The following ACSM3 variants were observed in gnomAD, a reference collection of about 807,000 sequenced individuals.
The protein encoded by ACSM3 is acyl-CoA synthetase medium chain family member 3, also known as acyl-coenzyme A synthetase ACSM3, mitochondrial.
In ACSM3, 61 loss-of-function variants were observed where a neutral mutation model predicts 74.1. The ratio of observed to expected loss-of-function variants is 0.82; its 90% CI spans 0.67 to 1.02. The LOEUF (loss-of-function observed/expected upper bound fraction) is 1.02, where lower values mean the gene tolerates loss of function less well. Ranked by LOEUF, ACSM3 falls within the 50% of genes least tolerant of loss-of-function variation. The pLI is 0.00. For synonymous variants in ACSM3, 213 were observed against 241.5 expected (o/e 0.88, Z 1.09); for missense variants, 660 against 697.0 (o/e 0.95, Z 0.60).
intron 1 of ACSM3, chr16:20,711,456 T>C (rs1472247304): frequency 1.7e-6 from 2 of 1,160,996 alleles, no homozygotes; most frequent in Non-Finnish European, 2.4e-6. Context: ...GGCGGTTCTG[T>C]TTAGTGTCCT....
intron 1 of ACSM3, chr16:20,685,493 T>C (rs773287621): frequency 5.2e-5 from 62 of 1,202,480 alleles, no homozygotes; most frequent in Admixed American, 4.3e-4. Context: ...CACGTTCCAA[T>C]GTGAACACAG....
Position 20,772,054 on chromosome 16 carries a change from AT to A in ACSM3, c.219+1803del, listed in dbSNP as rs566873975. Among the ~76,000 whole-genome samples the A allele has an allele frequency of 2.3e-3, 354 of 152,000 alleles. 1 individual carries two copies. Among genetic ancestry groups the A allele is most frequent in the Non-Finnish European group, 3.0e-3 (201 of 67,954 alleles). On this transcript the variant is annotated intron_variant, in intron 2 of 13. Transcript: ENST00000289416. ...TGTCTTTTGAGAAATGTCTATTCAG[AT>A]TCTATGTCCATTTTTTAATTGAATT...
intron 1 of ACSM3, chr16:20,749,221 A>G (rs965369327): frequency 6.6e-6 from 1 of 152,172 alleles, no homozygotes; most frequent in Non-Finnish European, 1.5e-5. Context: ...TATGAAAATG[A>G]TGGTTAATAA....
chr16:20,756,762 G>T (rs1360999852), intron 3 of ACSM3, among the ~76,000 whole-genome samples: 1 of 152,114 alleles, frequency 6.6e-6, no homozygotes, highest in Non-Finnish European at 1.5e-5. Flanking sequence ...GTTTTTATGG[G>T]TTTAGGTCTA....
intron 1 of ACSM3, among the ~76,000 whole-genome samples, chr16:20,683,523 T>C (rs1405908997): frequency 2.0e-5 from 3 of 152,106 alleles, no homozygotes; most frequent in African/African-American, 7.2e-5. Flanking sequence ...TTTCTTTCCA[T>C]CTTTCTCCCC....
chr16:20,679,176 G>A (rs1001761868), intron 1 of ACSM3: 3 of 152,136 alleles, frequency 2.0e-5, no homozygotes, highest in South Asian at 4.1e-4. Flanking sequence ...GTCACACCTT[G>A]GATTCACCAT....
intron 1 of ACSM3, chr16:20,737,652 T>C: frequency 2.0e-6 from 3 of 1,528,472 alleles, no homozygotes; most frequent in Middle Eastern, 1.8e-4. Context: ...AAAAAATCCT[T>C]AAAAAACAAG....
chr16:20,674,753 C>T (rs1026476487), exon 1 of ACSM3: 3 of 152,340 alleles, frequency 2.0e-5, no homozygotes, highest in Non-Finnish European at 4.4e-5. Context: ...GCTCTCCCCG[C>T]ATCCTGCCCA....
At chr16:20,758,999 T>A (rs1032057278) in intron 3 of ACSM3, among the ~76,000 whole-genome samples, 4 of 152,158 alleles carry the variant, frequency 2.6e-5, no homozygotes, top group Non-Finnish European at 5.9e-5. Flanking sequence ...GAGAGACAGT[T>A]TGTTATAATT....
intron 1 of ACSM3, chr16:20,722,059 A>C (rs1213185967): frequency 1.3e-5 from 2 of 152,168 alleles, no homozygotes; most frequent in Admixed American, 6.5e-5. Context: ...AAGCTTAGTG[A>C]GGGTTTAAGG....
intron 1 of ACSM3, among the ~76,000 whole-genome samples, chr16:20,708,403 G>A (rs1374863375): frequency 2.0e-5 from 3 of 152,136 alleles, no homozygotes; most frequent in Admixed American, 2.0e-4. Flanking sequence ...CCTGTCATCT[G>A]CAAACAGAAC....
intron 1 of ACSM3, among the ~76,000 whole-genome samples, chr16:20,708,481 C>T (rs1244658089): frequency 6.6e-6 from 1 of 152,122 alleles, no homozygotes; most frequent in African/African-American, 2.4e-5. Flanking sequence ...TGTTTCTATA[C>T]ACTAACAATG....
intron 1 of ACSM3, among the ~76,000 whole-genome samples, chr16:20,701,057 A>G (rs2079711484): frequency 6.6e-6 from 1 of 152,178 alleles, no homozygotes; most frequent in Non-Finnish European, 1.5e-5. Context: ...GGAGTGAATA[A>G]AAAGAATCAA....
At chr16:20,762,528 A>G (rs556985477), upstream of ACSM3, among the ~76,000 whole-genome samples, 1 of 152,198 alleles carries the variant, frequency 6.6e-6, no homozygotes, top group Non-Finnish European at 1.5e-5. Flanking sequence ...TTGTCAAGAG[A>G]CATAACTATA....
intron 1 of ACSM3, chr16:20,749,121 A>G (rs2079970950): frequency 6.6e-6 from 1 of 152,090 alleles, no homozygotes; most frequent in Non-Finnish European, 1.5e-5. Context: ...GAACTAACTT[A>G]TGTTTTAAAG....
intron 1 of ACSM3, chr16:20,733,855 T>C (rs1459984908): frequency 6.6e-6 from 1 of 152,128 alleles, no homozygotes; most frequent in Non-Finnish European, 1.5e-5. Flanking sequence ...AAACAAGTTT[T>C]CTAAACCATA....
At chr16:20,702,125 T>C (rs1377267910) in intron 1 of ACSM3, among the ~76,000 whole-genome samples, 1 of 152,212 alleles carries the variant, frequency 6.6e-6, no homozygotes. Context: ...CACACTGTCT[T>C]CCACAATAAC....
At chr16:20,694,081 C>A (rs2079677078) in intron 1 of ACSM3, among the ~76,000 whole-genome samples, 1 of 152,332 alleles carries the variant, frequency 6.6e-6, no homozygotes, top group East Asian at 1.9e-4. Context: ...ATAGCCTGTT[C>A]CTCTTGCTTA....
intron 1 of ACSM3, among the ~76,000 whole-genome samples, chr16:20,697,132 G>T (rs982035237): frequency 6.6e-6 from 1 of 152,108 alleles, no homozygotes; most frequent in African/African-American, 2.4e-5. Flanking sequence ...GAGTGCAGTG[G>T]TGTGATCATA....
Sources: gnomAD v4.1 joint callset for allele counts (sites outside exome capture counted in the v4.1 genomes callset) on GRCh38, gnomAD v4.1.1 for gene constraint, MANE v1.5 for transcripts, NCBI Gene and HGNC (gene_info 2026-07-23, HGNC 2026-07-21) for gene names.